The following SCN2A variants were observed in gnomAD, a reference collection of about 807,000 sequenced individuals.
SCN2A encodes sodium channel protein type 2 subunit alpha.
In SCN2A, 20 loss-of-function variants were observed where a neutral mutation model predicts 188.7. The observed-to-expected ratio is 0.11, with a 90% confidence interval of 0.07 to 0.15. The LOEUF (loss-of-function observed/expected upper bound fraction) is 0.15. Ranked by LOEUF, SCN2A falls within the 10% of genes least tolerant of loss-of-function variation. SCN2A has a pLI of 1.00. For synonymous variants in SCN2A, 804 were observed against 833.1 expected, an observed-to-expected ratio of 0.97 and a Z score of 0.60; for missense variants, 1,278 against 2,445.0, an observed-to-expected ratio of 0.52 and a Z score of 10.07.
At position 165,365,359 on chromosome 2, in the gene SCN2A, TTATCTATCTATCTGTATC is replaced by T. The variant is rs1700668070; in HGVS notation, c.3520+110_3520+127del. The T allele has an allele frequency of 3.7e-6, 5 of 1,362,998 alleles. No individual in the cohort carries two copies. In the South Asian group the frequency reaches 4.8e-5, roughly 13 times the overall value. 84.4% of individuals were successfully genotyped at this position (1,362,998 alleles called of 1,614,324 possible). ...TGTCTGTTTATTTGTCTACCATCTA[TTATCTATCTATCTGTATC>T]TATCTATCTATCTATCTATCTAGTA... On this transcript the variant is annotated intron_variant, in intron 18 of 26. Coordinates refer to ENST00000375437, the MANE Select transcript of SCN2A (RefSeq NM_001040142.2).
rs992132752 is a variant in SCN2A at position 165,391,422 on chromosome 2, T to A, written c.*1598T>A. On this transcript the variant is annotated 3_prime_UTR_variant, in exon 27 of 27. Coordinates refer to ENST00000375437, the MANE Select transcript of SCN2A (RefSeq NM_001040142.2). ...ATTTTTCAGCCTTTTGTACGTAAAATGAGAAATTAAAAGTATCTTCAGGTG... is the reference window on the plus strand; with the variant it reads ...ATTTTTCAGCCTTTTGTACGTAAAAAGAGAAATTAAAAGTATCTTCAGGTG... 1.3e-5 allele frequency: 2 copies of A among 152,528 alleles called. No homozygotes were observed. Among genetic ancestry groups the A allele is most frequent in the Non-Finnish European group, 2.9e-5 (2 of 67,984 alleles). 9.4% of individuals were successfully genotyped at this position (152,528 alleles called of 1,614,324 possible). A position where few individuals can be genotyped will look rare whatever the true frequency, so the allele number is the denominator to read the frequency against.
intron 1 of SCN2A, among the ~76,000 whole-genome samples, chr2:165,262,641 A>G (rs1178879286): frequency 1.3e-5 from 2 of 152,060 alleles, no homozygotes; most frequent in African/African-American, 2.4e-5. Flanking sequence ...TATATTAATC[A>G]ACAAGTGATT....
At chr2:165,337,890 G>A (rs866879409) in intron 14 of SCN2A, among the ~76,000 whole-genome samples, 2 of 152,108 alleles carry the variant, frequency 1.3e-5, no homozygotes, top group African/African-American at 4.8e-5. Flanking sequence ...GGGTAAATAC[G>A]AAAGACTATC....
chr2:165,302,365 C>A (rs1033310206), intron 3 of SCN2A, among the ~76,000 whole-genome samples: 2 of 152,148 alleles, frequency 1.3e-5, no homozygotes, highest in Non-Finnish European at 2.9e-5. Flanking sequence ...CTATTCTATT[C>A]TACTTCAAAT....
chr2:165,392,252 G>C lies in SCN2A; in HGVS notation c.*2428G>C, dbSNP rs528753199. 2 of 152,512 alleles carry C rather than the reference G, an allele frequency of 1.3e-5. No homozygotes were observed. The highest frequency in any genetic ancestry group is 3.9e-4 in the East Asian group (2 of 5,170). The allele number at this position is 152,512 out of a possible 1,614,324, so 9.4% of individuals were successfully genotyped here. On this transcript the variant is annotated 3_prime_UTR_variant, in exon 27 of 27. Transcript: ENST00000375437. ...AATATTGGCCAAAAAGCTAGATATG[G>C]CATCAGGTAGACTAGTGGAAAGTTA... is the stretch of plus-strand genomic sequence containing the variant.
intron 1 of SCN2A, among the ~76,000 whole-genome samples, chr2:165,291,575 T>TCCTTTCTCTCTCTCTCTCTC (rs1460696524): frequency 5.7e-5 from 4 of 70,586 alleles, no homozygotes; most frequent in African/African-American, 1.9e-4. Context: ...CTTCCTTCCT[T>TCCTTTCTCTCTCTCTCTCTC]TCTCTCTCTC....
At chr2:165,307,274 G>A (rs896391311) in intron 3 of SCN2A, among the ~76,000 whole-genome samples, 2 of 152,022 alleles carry the variant, frequency 1.3e-5, no homozygotes, top group African/African-American at 4.8e-5. Context: ...TTGAGATTCA[G>A]GGAACTTAAT....
chr2:165,240,656 G>A (rs1693574347), intron 1 of SCN2A, among the ~76,000 whole-genome samples: 1 of 82,108 alleles, frequency 1.2e-5, no homozygotes. Flanking sequence ...CCTGTGGAAA[G>A]AGCTGTGTGT....
In SCN2A at chr2:165,291,486, CTTTCTTTT is replaced by C. The variant is rs1184418177; in HGVS notation, c.-51-4286_-51-4279del. On this transcript the variant is annotated intron_variant, in intron 1 of 26. Transcript: ENST00000375437. Reference sequence around the variant, plus strand: ...TCTTTCTTTCTTTCTTTCTTTCTTTCTTTCTTTTCTTTCTTTCTTTCTTTCTTCCTCTC... The same window carrying C: ...TCTTTCTTTCTTTCTTTCTTTCTTTCCTTTCTTTCTTTCTTTCTTCCTCTC... 9.9e-3 allele frequency among the ~76,000 whole-genome samples: 568 copies of C among 57,356 alleles called. 28 individuals are homozygous for C. The highest frequency in any genetic ancestry group is 0.039 in the East Asian group (115 of 2,958). 37.6% of individuals were successfully genotyped at this position (57,356 alleles called of 152,430 possible).
chr2:165,254,089 G>A (rs1694211019), intron 1 of SCN2A, among the ~76,000 whole-genome samples: 1 of 151,692 alleles, frequency 6.6e-6, no homozygotes, highest in Admixed American at 6.6e-5. Flanking sequence ...ATATATTGAT[G>A]TAAATTTGAT....
chr2:165,381,997 G>T (rs1220783040), intron 25 of SCN2A, among the ~76,000 whole-genome samples: 1 of 151,998 alleles, frequency 6.6e-6, no homozygotes, highest in Non-Finnish European at 1.5e-5. Context: ...GTGTTCAGTT[G>T]GTAAGCCGGC....
intron 1 of SCN2A, among the ~76,000 whole-genome samples, chr2:165,265,980 C>T (rs1347956399): frequency 6.6e-6 from 1 of 151,754 alleles, no homozygotes; most frequent in East Asian, 1.9e-4. Flanking sequence ...GCCACCATGC[C>T]TGGCTCTTTA....
At chr2:165,341,677 G>T (rs1033840269) in intron 14 of SCN2A, among the ~76,000 whole-genome samples, 22 of 152,172 alleles carry the variant, frequency 1.4e-4, no homozygotes, top group African/African-American at 5.1e-4. Context: ...CTAAGACGCT[G>T]AAGTACTGAG....
intron 26 of SCN2A, among the ~76,000 whole-genome samples, chr2:165,388,202 T>A (rs1043021812): frequency 6.6e-6 from 1 of 152,162 alleles, no homozygotes; most frequent in Non-Finnish European, 1.5e-5. Context: ...TCACGCTGCC[T>A]ACTCCCAAAT....
chr2:165,354,421 A>T lies in SCN2A; in HGVS notation c.3149A>T (p.Asp1050Val), dbSNP rs1700079624. 4 of 1,614,146 alleles carry T rather than the reference A, an allele frequency of 2.5e-6. No homozygotes were observed. The highest frequency in any genetic ancestry group is 3.4e-6 in the Non-Finnish European group (4 of 1,180,008). Residue 1050 changes from aspartate to valine, a missense_variant, in exon 17 of 27, where the codon GAC (aspartate) becomes GTC (valine). By Grantham distance (152) the Asp-to-Val change is radical. Coordinates refer to ENST00000375437, the MANE Select transcript of SCN2A (RefSeq NM_001040142.2). ...KPLEDLNNKKDSCISNHTTIE... is the reference protein window; with the variant it reads ...KPLEDLNNKKVSCISNHTTIE... Reference sequence around the variant, plus strand: ...CTTGAAGATCTAAATAATAAAAAAGACAGCTGTATTTCCAACCATACCACC... The same window carrying T: ...CTTGAAGATCTAAATAATAAAAAAGTCAGCTGTATTTCCAACCATACCACC...
At chr2:165,242,726 A>G (rs1176136431) in intron 1 of SCN2A, among the ~76,000 whole-genome samples, 1 of 152,180 alleles carries the variant, frequency 6.6e-6, no homozygotes, top group Non-Finnish European at 1.5e-5. Flanking sequence ...AGAGTAAGGT[A>G]TGAAGTCAGT....
At chr2:165,327,090 T>G in intron 13 of SCN2A, 106 bp downstream of exon 13, 6 of 1,317,462 alleles carry the variant, frequency 4.6e-6, no homozygotes, top group African/African-American at 1.5e-5. Context: ...TGTATCATTA[T>G]TACACATTTT....
intron 23 of SCN2A, 100 bp from the exon 24 acceptor site, chr2:165,380,492 T>A: frequency 1.1e-6 from 1 of 874,256 alleles, no homozygotes; most frequent in Non-Finnish European, 1.9e-6. Flanking sequence ...TTATTTTCAT[T>A]CCAGAGATTA....
chr2:165,359,816 G>A (rs1700366164), intron 17 of SCN2A, among the ~76,000 whole-genome samples: 2 of 151,926 alleles, frequency 1.3e-5, no homozygotes, highest in Non-Finnish European at 2.9e-5. Flanking sequence ...GTGTCTTTGG[G>A]TCACTGGTAA....
Sources: allele counts gnomAD v4.1 joint callset (sites outside exome capture counted in the v4.1 genomes callset), GRCh38; gene constraint gnomAD v4.1.1; transcripts MANE v1.5; gene names NCBI Gene and HGNC (gene_info 2026-07-23, HGNC 2026-07-21).